Variants in TMEM132D observed in about 807,000 individuals in gnomAD.
The protein encoded by TMEM132D is transmembrane protein 132D, also known as mature OL transmembrane protein.
In TMEM132D, 21 loss-of-function variants were observed where a neutral mutation model predicts 62.3. The ratio of observed to expected loss-of-function variants is 0.34; its 90% confidence interval spans 0.24 to 0.49. TMEM132D has a LOEUF of 0.49. Ranked by LOEUF, TMEM132D falls within the 20% of genes least tolerant of loss-of-function variation. TMEM132D has a pLI of 0.99. For synonymous variants in TMEM132D, 621 were observed against 575.6 expected (o/e 1.08, Z -1.13); for missense variants, 1,346 against 1,402.8 (o/e 0.96, Z 0.65).
intron 3 of TMEM132D, among the ~76,000 whole-genome samples, chr12:129,445,471 T>C (rs959317800): frequency 5.9e-5 from 9 of 152,182 alleles, no homozygotes; most frequent in African/African-American, 1.4e-4. Context: ...AGTTAAATTT[T>C]ATAAAAAGGT....
chr12:129,134,184 G>T (rs562800591), intron 5 of TMEM132D, among the ~76,000 whole-genome samples: 325 of 151,676 alleles, frequency 2.1e-3, no homozygotes, highest in South Asian at 0.018. Context: ...GTGTGTCTGT[G>T]TGTCTGTGTG....
At chr12:129,253,256 C>T (rs1350801116) in intron 4 of TMEM132D, among the ~76,000 whole-genome samples, 1 of 150,420 alleles carries the variant, frequency 6.6e-6, no homozygotes, top group East Asian at 1.9e-4. Context: ...AAAAAAGATT[C>T]TACATTCCTC....
intron 1 of TMEM132D, among the ~76,000 whole-genome samples, chr12:129,766,422 CT>C (rs1276510045): frequency 1.3e-5 from 2 of 152,174 alleles, no homozygotes; most frequent in African/African-American, 2.4e-5. Flanking sequence ...TTCCTCATTT[CT>C]TGCATAGTCT....
chr12:129,737,876 C>T (rs1869477663), intron 1 of TMEM132D, among the ~76,000 whole-genome samples: 1 of 152,236 alleles, frequency 6.6e-6, no homozygotes, highest in African/African-American at 2.4e-5. Flanking sequence ...TGAAAATGAG[C>T]ACCATGCTTT....
At chr12:129,479,065 T>C (rs151013190) in intron 3 of TMEM132D, among the ~76,000 whole-genome samples, 50 of 152,330 alleles carry the variant, frequency 3.3e-4, no homozygotes, top group African/African-American at 1.2e-3. Context: ...TACACTATAG[T>C]TAGTTGAGAC....
At chr12:129,252,737 C>A (rs907420258) in intron 4 of TMEM132D, among the ~76,000 whole-genome samples, 69 of 152,258 alleles carry the variant, frequency 4.5e-4, no homozygotes, top group African/African-American at 1.6e-3. Flanking sequence ...AAGTCACATG[C>A]ACACGTATGT....
rs114722924 is a variant in TMEM132D, at chr12:129,512,655, G to A, written c.1115+18404C>T. Reference sequence around the variant, plus strand: ...TGTTGGCCAGGACCGTGATCAACTAGGGGCTAGGTGCTCTGTTTCCAACGA... The same window carrying A: ...TGTTGGCCAGGACCGTGATCAACTAAGGGCTAGGTGCTCTGTTTCCAACGA... On this transcript the variant is annotated intron_variant, in intron 3 of 8. Coordinates refer to ENST00000422113, the MANE Select transcript of TMEM132D (RefSeq NM_133448.3). 9.4e-3 allele frequency among the ~76,000 whole-genome samples: 1,425 copies of A among 152,306 alleles called. 26 individuals are homozygous for A. Among genetic ancestry groups the A allele is most frequent in the African/African-American group, 0.032 (1,343 of 41,550 alleles).
chr12:129,901,222 T>C (rs1875341839), intron 1 of TMEM132D, among the ~76,000 whole-genome samples: 1 of 152,192 alleles, frequency 6.6e-6, no homozygotes, highest in Non-Finnish European at 1.5e-5. Context: ...TTCAATATAG[T>C]CCATACTTGA....
At chr12:129,619,089 G>C (rs781090129) in intron 2 of TMEM132D, among the ~76,000 whole-genome samples, 3 of 152,114 alleles carry the variant, frequency 2.0e-5, no homozygotes, top group African/African-American at 4.8e-5. Context: ...AGAGAGAATC[G>C]ATTGTAAATG....
intron 4 of TMEM132D, among the ~76,000 whole-genome samples, chr12:129,285,556 G>GAGT (rs1881272757): frequency 8.4e-6 from 1 of 118,938 alleles, no homozygotes; most frequent in Non-Finnish European, 1.8e-5. Context: ...AGAGAGAGAG[G>GAGT]CTCCCATTAT....
At chr12:129,709,653 T>A (rs940026655) in intron 1 of TMEM132D, among the ~76,000 whole-genome samples, 1 of 152,236 alleles carries the variant, frequency 6.6e-6, no homozygotes, top group African/African-American at 2.4e-5. Flanking sequence ...TCCAAAGCTC[T>A]CTAATGCCTT....
chr12:129,414,267 CGGCT>C (rs1872051106), intron 3 of TMEM132D, among the ~76,000 whole-genome samples: 1 of 152,142 alleles, frequency 6.6e-6, no homozygotes, highest in Non-Finnish European at 1.5e-5. Flanking sequence ...ATGAATCTTC[CGGCT>C]CATTATGGTT....
At chr12:129,531,978 C>A (rs1456073678) in intron 2 of TMEM132D, among the ~76,000 whole-genome samples, 6 of 152,066 alleles carry the variant, frequency 3.9e-5, no homozygotes, top group African/African-American at 1.4e-4. Context: ...ATCACTTGAA[C>A]CTGGGAGGCG....
chr12:129,815,062 C>G (rs115007823), intron 1 of TMEM132D, among the ~76,000 whole-genome samples: 1 of 152,140 alleles, frequency 6.6e-6, no homozygotes, highest in Non-Finnish European at 1.5e-5. Flanking sequence ...GAGATTGGAG[C>G]CTTTTCCTGG....
intron 5 of TMEM132D, among the ~76,000 whole-genome samples, chr12:129,182,072 G>A (rs571477703): frequency 6.6e-5 from 10 of 152,224 alleles, no homozygotes; most frequent in Admixed American, 5.2e-4. Context: ...TGGATAGAAA[G>A]AGGAGCTGGC....
intron 3 of TMEM132D, among the ~76,000 whole-genome samples, chr12:129,515,459 T>C (rs1016583225): frequency 6.6e-6 from 1 of 152,052 alleles, no homozygotes; most frequent in African/African-American, 2.4e-5. Context: ...AATCTTAGAG[T>C]GACTTCTATT....
At chr12:129,408,943 G>GT (rs1566059875) in intron 3 of TMEM132D, among the ~76,000 whole-genome samples, 6 of 151,724 alleles carry the variant, frequency 4.0e-5, no homozygotes, top group Admixed American at 2.0e-4. Flanking sequence ...TTCATTTTTT[G>GT]TTTTTTTGAG....
intron 5 of TMEM132D, among the ~76,000 whole-genome samples, chr12:129,148,935 T>C (rs1323010747): frequency 2.0e-5 from 3 of 151,822 alleles, no homozygotes; most frequent in Admixed American, 6.6e-5. Context: ...GGCTCCTTTC[T>C]TGTAGGAAGG....
chr12:129,801,129 G>T lies in TMEM132D; in HGVS notation c.80-100431C>A, dbSNP rs186070559. 3.9e-5 allele frequency among the ~76,000 whole-genome samples: 6 copies of T among 152,328 alleles called. No homozygotes were observed. The South Asian group carries it at 1.2e-3, about 32-fold the overall frequency. ...AGATCAAACTGCAAGGCAGCAGCGA[G>T]GTTGGGGGAGGGGCGCCCGCCATTG... On this transcript the variant is annotated intron_variant, in intron 1 of 8. Coordinates refer to ENST00000422113, the MANE Select transcript of TMEM132D (RefSeq NM_133448.3).
Sources: gnomAD v4.1 joint callset for allele counts (sites outside exome capture counted in the v4.1 genomes callset) on GRCh38, gnomAD v4.1.1 for gene constraint, MANE v1.5 for transcripts, NCBI Gene and HGNC (gene_info 2026-07-23, HGNC 2026-07-21) for gene names.